ACSM5: variants seen among roughly 807,000 people sequenced by gnomAD.
ACSM5 encodes acyl-coenzyme A synthetase ACSM5, mitochondrial.
In ACSM5, 56 loss-of-function variants were observed where a neutral mutation model predicts 71.6. The observed-to-expected ratio is 0.78, with a 90% confidence interval of 0.63 to 0.98. ACSM5 has a LOEUF of 0.98. Ranked by LOEUF, ACSM5 falls within the 50% of genes least tolerant of loss-of-function variation. The probability of loss-of-function intolerance (pLI) is 0.00; values close to 1 mark genes in which losing one functional copy is unlikely to be tolerated. For synonymous variants in ACSM5, 285 were observed against 281.5 expected (o/e 1.01, Z -0.12); for missense variants, 723 against 726.0 (o/e 1.00, Z 0.05).
rs778017135 is a variant in ACSM5, at chr16:20,440,475, A to T, written c.*48A>T. 6.6e-7 allele frequency: 1 copy of T among 1,516,394 alleles called. No homozygotes were observed. The highest frequency in any genetic ancestry group is 9.2e-7 in the Non-Finnish European group (1 of 1,090,584). 93.9% of individuals were successfully genotyped at this position (1,516,394 alleles called of 1,614,324 possible). A position where few individuals can be genotyped will look rare whatever the true frequency, so the allele number is the denominator to read the frequency against. The stretch of plus-strand genomic sequence containing the variant: ...TAGACCTCCGAAGACTCCACAAGAA[A>T]CTAATGGATCACTGGTCAGTCCCCA... On this transcript the variant is annotated 3_prime_UTR_variant, in exon 14 of 14. Coordinates refer to ENST00000331849, the MANE Select transcript of ACSM5 (RefSeq NM_017888.3).
At chr16:20,436,544 T>A (rs1478192245) in intron 10 of ACSM5, among the ~76,000 whole-genome samples, 1 of 152,078 alleles carries the variant, frequency 6.6e-6, no homozygotes, top group Admixed American at 6.6e-5. Context: ...CTAATTTTTT[T>A]GTCTTTAGTA....
Position 20,432,343 on chromosome 16 carries a change from G to A in ACSM5, c.1308+1022G>A, listed in dbSNP as rs569225336. On this transcript the variant is annotated intron_variant, in intron 10 of 13. Coordinates refer to ENST00000331849, the MANE Select transcript of ACSM5 (RefSeq NM_017888.3). ...CTGCTTAATAGAAATGCCATCTCAT[G>A]TGTCTACTAAGCTGTCAATCAGCTA... Among the ~76,000 whole-genome samples, 9 of 152,298 alleles carry A rather than the reference G, an allele frequency of 5.9e-5. No homozygotes were observed. The South Asian group carries it at 1.9e-3, about 32-fold the overall frequency.
chr16:20,430,200 T>TACACACACACACAC (rs199835504), intron 8 of ACSM5, among the ~76,000 whole-genome samples: 2 of 144,760 alleles, frequency 1.4e-5, no homozygotes, highest in African/African-American at 5.1e-5. Context: ...GCTATTGAAA[T>TACACACACACACAC]ACACACACAC....
At chr16:20,438,571 G>A (rs1967249933) in intron 12 of ACSM5, among the ~76,000 whole-genome samples, 2 of 151,748 alleles carry the variant, frequency 1.3e-5, no homozygotes, top group Non-Finnish European at 2.9e-5. Context: ...AGTTCTGCAT[G>A]CCGTGAGTTA....
In ACSM5 at chr16:20,428,003, C is replaced by G. The variant is rs368924557; in HGVS notation, c.1001+136C>G. ...TCCCTCTATATATTTTTCTGCCTCT[C>G]TCTTTGTCTCTCTCTCACACACACA... On this transcript the variant is annotated intron_variant, in intron 7 of 13. Coordinates refer to ENST00000331849, the MANE Select transcript of ACSM5 (RefSeq NM_017888.3). The G allele has an allele frequency of 5.7e-6, 4 of 706,076 alleles. No homozygotes were observed. The African/African-American group carries it at 7.0e-5, about 12-fold the overall frequency. 43.7% of individuals were successfully genotyped at this position (706,076 alleles called of 1,614,324 possible).
intron 10 of ACSM5, among the ~76,000 whole-genome samples, chr16:20,433,845 T>TTTTTC (rs1967146221): frequency 6.6e-6 from 1 of 151,344 alleles, no homozygotes; most frequent in Admixed American, 6.6e-5. Flanking sequence ...GGCTAATTTT[T>TTTTTC]TTTTTTTTTT....
intron 10 of ACSM5, 53 bp from the exon 11 acceptor site, chr16:20,436,999 G>A: frequency 1.9e-6 from 3 of 1,588,810 alleles, no homozygotes; most frequent in Non-Finnish European, 2.6e-6. Flanking sequence ...GGCAGTAACT[G>A]GCCTTAGCAG....
At position 20,421,263 on chromosome 16, in the gene ACSM5, C is replaced by A; in HGVS notation, c.629C>A (p.Ala210Asp). Residue 210 changes from alanine to aspartate, a missense_variant, in exon 5 of 14, where the codon GCT (alanine) becomes GAT (aspartate). By Grantham distance (126) the Ala-to-Asp change is moderately radical (BLOSUM62 -2). Coordinates refer to ENST00000331849, the MANE Select transcript of ACSM5 (RefSeq NM_017888.3). ...AGTGTATTTACGTTTTACAGGGAGG[C>A]TTCTACAGAGCACAACTGCATGAGG... The part of the protein sequence containing the change: ...WLNFRELLRE[A>D]STEHNCMRTK... 6.3e-7 allele frequency: 1 copy of A among 1,585,734 alleles called. No homozygotes were observed. The highest frequency in any genetic ancestry group is 1.1e-5 in the South Asian group (1 of 88,184).
intron 7 of ACSM5, 131 bp from the exon 8 acceptor site, chr16:20,429,547 T>A: frequency 8.3e-7 from 1 of 1,211,352 alleles, no homozygotes; most frequent in Non-Finnish European, 1.2e-6. Flanking sequence ...GTGGACTCAC[T>A]TAGAGAAGAT....
intron 10 of ACSM5, among the ~76,000 whole-genome samples, chr16:20,436,120 C>CTCTCTT (rs1257539105): frequency 6.2e-5 from 5 of 80,118 alleles, no homozygotes; most frequent in African/African-American, 2.9e-4. Flanking sequence ...TTTTCTCTTT[C>CTCTCTT]TTTCCTTCCT....
At chr16:20,410,322 A>G (rs1052851816) in intron 1 of ACSM5, among the ~76,000 whole-genome samples, 18 of 152,196 alleles carry the variant, frequency 1.2e-4, no homozygotes, top group African/African-American at 3.9e-4. Flanking sequence ...GTGCCTCTCA[A>G]ACTTTAACAT....
chr16:20,423,584 T>G (rs1447743182), intron 5 of ACSM5, among the ~76,000 whole-genome samples: 1 of 152,252 alleles, frequency 6.6e-6, no homozygotes, highest in East Asian at 1.9e-4. Flanking sequence ...AGATCCCTAG[T>G]GCTAAGTCCA....
At chr16:20,422,026 G>A (rs546944021) in intron 5 of ACSM5, among the ~76,000 whole-genome samples, 1 of 152,292 alleles carries the variant, frequency 6.6e-6, no homozygotes, top group South Asian at 2.1e-4. Context: ...CCGTGTCATA[G>A]CATGTGTCAA....
chr16:20,419,420 T>C lies in ACSM5; in HGVS notation c.608T>C (p.Phe203Ser), dbSNP rs1966868516. 6.2e-7 allele frequency: 1 copy of C among 1,614,028 alleles called. No homozygotes were observed. The highest frequency in any genetic ancestry group is 1.7e-5 in the Admixed American group (1 of 60,002). Reference protein sequence around the residue: ...SDSSRPGWLNFRELLREASTE... With the variant: ...SDSSRPGWLNSRELLREASTE... ...AGCAGTCGGCCAGGCTGGTTGAACTTCAGGGAACTCCTCCGGTGAATTGGG... is the reference window on the plus strand; with the variant it reads ...AGCAGTCGGCCAGGCTGGTTGAACTCCAGGGAACTCCTCCGGTGAATTGGG... The change falls in exon 4 of 14, where the codon TTC becomes TCC. Residue 203 changes from phenylalanine (F) to serine (S), a missense_variant. Phe to Ser is a radical substitution (Grantham distance 155). Transcript: ENST00000331849.
chr16:20,427,227 G>A (rs1363906658), intron 6 of ACSM5, among the ~76,000 whole-genome samples: 2 of 152,088 alleles, frequency 1.3e-5, no homozygotes, highest in Non-Finnish European at 2.9e-5. Context: ...TTGAACCCGG[G>A]AGGCAGAGGT....
chr16:20,425,471 GT>G (rs1398936383), intron 6 of ACSM5, among the ~76,000 whole-genome samples: 3 of 152,110 alleles, frequency 2.0e-5, no homozygotes, highest in African/African-American at 7.2e-5. Flanking sequence ...AACAGGTGGT[GT>G]TTGATTACAT....
intron 10 of ACSM5, among the ~76,000 whole-genome samples, chr16:20,435,486 G>C (rs1486868034): frequency 1.3e-5 from 2 of 152,062 alleles, no homozygotes; most frequent in Non-Finnish European, 2.9e-5. Context: ...GTTGAATTGA[G>C]ATATAATTTA....
intron 2 of ACSM5, among the ~76,000 whole-genome samples, chr16:20,414,471 A>T (rs1434640053): frequency 6.6e-6 from 1 of 152,234 alleles, no homozygotes; most frequent in South Asian, 2.1e-4. Context: ...CAGGTTCTCC[A>T]CTAAAGCATC....
intron 10 of ACSM5, among the ~76,000 whole-genome samples, chr16:20,432,844 A>ATTTTTTTTTTTTTT (rs1567346831): frequency 1.7e-5 from 1 of 60,218 alleles, no homozygotes; most frequent in African/African-American, 9.7e-5. Context: ...TTTCCAGATC[A>ATTTTTTTTTTTTTT]TTCTTTTTTT....
Sources: gnomAD v4.1 joint callset for allele counts (sites outside exome capture counted in the v4.1 genomes callset) on GRCh38, gnomAD v4.1.1 for gene constraint, MANE v1.5 for transcripts, NCBI Gene and HGNC (gene_info 2026-07-23, HGNC 2026-07-21) for gene names.